Variants in COG2 observed in about 807,000 individuals in gnomAD.
The protein encoded by COG2 is conserved oligomeric Golgi complex subunit 2.
A neutral mutation model predicts 90.6 loss-of-function variants in COG2; 52 were observed. The ratio of observed to expected loss-of-function variants is 0.57; its 90% CI spans 0.46 to 0.72. COG2 has a LOEUF of 0.72. COG2 is among the 30% of genes least tolerant of loss of function. The pLI, the probability that COG2 is intolerant of heterozygous loss-of-function variation, is 0.00. For missense variants in COG2, 829 were observed against 891.2 expected (o/e 0.93, Z 0.89); for synonymous variants, 337 against 320.4 (o/e 1.05, Z -0.55).
chr1:230,664,649 T>C, intron 5 of COG2, 62 bp downstream of exon 5: 1 of 776,946 alleles, frequency 1.3e-6, no homozygotes, highest in Non-Finnish European at 2.0e-6. Flanking sequence ...AAAAACTTTT[T>C]TAGTTAGAAC....
rs202024543 is a variant in COG2, at chr1:230,668,737, C to T, written c.547C>T (p.His183Tyr). 5.6e-6 allele frequency: 9 copies of T among 1,613,054 alleles called. No individual in the cohort carries two copies. Among genetic ancestry groups the T allele is most frequent in the Middle Eastern group, 3.3e-4 (2 of 6,054 alleles). The change falls in exon 6 of 18, where the codon CAT becomes TAT. Residue 183 changes from histidine (H) to tyrosine (Y), a missense_variant. Coordinates refer to ENST00000366669, the MANE Select transcript of COG2 (RefSeq NM_007357.3). Reference sequence around the variant, plus strand: ...CACAGAATTTAATCAGTTACAGTTTCATGCTGTTCAAAGCAAAGGCATGCC... The same window carrying T: ...CACAGAATTTAATCAGTTACAGTTTTATGCTGTTCAAAGCAAAGGCATGCC... ...IATEFNQLQFHAVQSKGMPLL... is the reference protein window; with the variant it reads ...IATEFNQLQFYAVQSKGMPLL...
intron 10 of COG2, chr1:230,679,271 AG>A: frequency 2.3e-6 from 1 of 429,584 alleles, no homozygotes; most frequent in Non-Finnish European, 4.1e-6. Context: ...TGGTAATTGG[AG>A]AGCTCAGAAC....
chr1:230,656,271 C>T (rs1017773854), intron 1 of COG2, among the ~76,000 whole-genome samples: 6 of 152,102 alleles, frequency 3.9e-5, no homozygotes, highest in Non-Finnish European at 5.9e-5. Flanking sequence ...TCTACACACT[C>T]CTTTACATGT....
At chr1:230,653,805 A>G (rs1571943763) in intron 1 of COG2, among the ~76,000 whole-genome samples, 1 of 152,184 alleles carries the variant, frequency 6.6e-6, no homozygotes, top group East Asian at 1.9e-4. Flanking sequence ...CATGTGGCAG[A>G]AGTTGGATGG....
At chr1:230,644,647 T>G (rs182064356) in intron 1 of COG2, among the ~76,000 whole-genome samples, 1 of 152,250 alleles carries the variant, frequency 6.6e-6, no homozygotes, top group African/African-American at 2.4e-5. Flanking sequence ...TAGGTTGCCA[T>G]AGATCATGAG....
rs767216042 is a variant in COG2, at chr1:230,678,778, G to A, written c.1027-135G>A. 1.4e-5 allele frequency: 22 copies of A among 1,549,078 alleles called. 1 individual carries two copies. The highest frequency in any genetic ancestry group is 2.7e-5 in the African/African-American group (2 of 73,642). ...ATGGGGACATTGGAAGAAAGATCTTGTAAGTTCCTTGTTAACTCTAGAAAC... is the reference window on the plus strand; with the variant it reads ...ATGGGGACATTGGAAGAAAGATCTTATAAGTTCCTTGTTAACTCTAGAAAC... On this transcript the variant is annotated intron_variant, in intron 9 of 17. Transcript: ENST00000366669.
intron 1 of COG2, among the ~76,000 whole-genome samples, chr1:230,655,565 T>C (rs1270598956): frequency 2.0e-5 from 3 of 152,198 alleles, no homozygotes; most frequent in African/African-American, 7.2e-5. Flanking sequence ...TTTTCTTTTT[T>C]TGTTGTGTCT....
At chr1:230,683,426 AAAAG>A in intron 10 of COG2, 144 bp from the exon 11 acceptor site, 1 of 556,132 alleles carries the variant, frequency 1.8e-6, no homozygotes, top group Non-Finnish European at 3.2e-6. Flanking sequence ...AAAAAAAAAA[AAAAG>A]CCTGGGAGAA....
chr1:230,679,631 G>C (rs530971955), intron 10 of COG2: 1 of 152,214 alleles, frequency 6.6e-6, no homozygotes, highest in Non-Finnish European at 1.5e-5. Flanking sequence ...CAGGTTTCAT[G>C]ATGATATCAC....
chr1:230,647,304 A>G (rs1277768024), intron 1 of COG2, among the ~76,000 whole-genome samples: 8 of 152,190 alleles, frequency 5.3e-5, no homozygotes, highest in South Asian at 2.1e-4. Context: ...CTTGGAATAT[A>G]TCTCCCTCAG....
rs191696289 is a variant in COG2, at chr1:230,660,995, G to A, written c.300+172G>A. On this transcript the variant is annotated intron_variant, in intron 3 of 17. Coordinates refer to ENST00000366669, the MANE Select transcript of COG2 (RefSeq NM_007357.3). ...TTGTAAATCCTTCTCTATTTTTTGC[G>A]TGTGATACTATAACCAAAAAAATGT... is the stretch of plus-strand genomic sequence containing the variant. The A allele has an allele frequency of 4.2e-3, 1,788 of 428,780 alleles. 2 individuals are homozygous for A. The highest frequency in any genetic ancestry group is 5.9e-3 in the Non-Finnish European group (1,432 of 242,004). 26.6% of individuals were successfully genotyped at this position (428,780 alleles called of 1,614,324 possible).
intron 1 of COG2, among the ~76,000 whole-genome samples, chr1:230,652,225 C>T (rs1047284824): frequency 9.9e-5 from 15 of 152,202 alleles, no homozygotes; most frequent in Middle Eastern, 3.4e-3. Context: ...CATCCCTAAC[C>T]CCAGGCAACT....
intron 1 of COG2, among the ~76,000 whole-genome samples, chr1:230,654,265 T>C (rs1167001856): frequency 6.6e-6 from 1 of 152,266 alleles, no homozygotes; most frequent in Non-Finnish European, 1.5e-5. Flanking sequence ...GTTTAAGTCT[T>C]TAATCCATCT....
chr1:230,663,453 T>C (rs1350168376), intron 4 of COG2, among the ~76,000 whole-genome samples: 7 of 152,232 alleles, frequency 4.6e-5, no homozygotes, highest in East Asian at 3.8e-4. Context: ...AGCACACTTA[T>C]TAAAATCTCA....
chr1:230,675,532 A>G (rs1350930786), intron 9 of COG2, among the ~76,000 whole-genome samples: 2 of 152,224 alleles, frequency 1.3e-5, no homozygotes, highest in East Asian at 3.8e-4. Context: ...AGCAGCAAGT[A>G]CAAAGGAATT....
At chr1:230,691,707 G>T (rs1663034753) in intron 17 of COG2, 143 bp downstream of exon 17, 1 of 732,062 alleles carries the variant, frequency 1.4e-6, no homozygotes, top group Admixed American at 3.1e-5. Context: ...AGGAGTCGGG[G>T]CTCCCAAATT....
At position 230,642,498 on chromosome 1, in the gene COG2, C is replaced by A. The variant is rs534514695; in HGVS notation, c.-109C>A. 6.7e-5 allele frequency: 39 copies of A among 585,204 alleles called. No individual in the cohort carries two copies. In the East Asian group the frequency reaches 2.6e-3, roughly 40 times the overall value. The allele number at this position is 585,204 out of a possible 1,614,324, so 36.3% of individuals were successfully genotyped here. A position where few individuals can be genotyped will look rare whatever the true frequency, so the allele number is the denominator to read the frequency against. ...GCGCTGCCATGTTGGCGGAAGCGGA[C>A]CCCCCTGTGCCGTGGAAACTGGCGG... is the stretch of plus-strand genomic sequence containing the variant. On this transcript the variant is annotated 5_prime_UTR_variant, in exon 1 of 18. Transcript: ENST00000366669.
intron 16 of COG2, among the ~76,000 whole-genome samples, chr1:230,690,833 A>G (rs1195271740): frequency 2.0e-5 from 3 of 152,250 alleles, no homozygotes; most frequent in Non-Finnish European, 4.4e-5. Flanking sequence ...TGTATTTCAG[A>G]TGCCAAGTAA....
At chr1:230,667,704 C>G (rs1222333652) in intron 5 of COG2, among the ~76,000 whole-genome samples, 1 of 152,202 alleles carries the variant, frequency 6.6e-6, no homozygotes, top group Non-Finnish European at 1.5e-5. Context: ...TCCTGTTCCT[C>G]TAAACTAGTT....
Sources: allele counts gnomAD v4.1 joint callset (sites outside exome capture counted in the v4.1 genomes callset), GRCh38; gene constraint gnomAD v4.1.1; transcripts MANE v1.5; gene names NCBI Gene and HGNC (gene_info 2026-07-23, HGNC 2026-07-21).